The following MGAT4A variants were observed in gnomAD, a reference collection of about 807,000 sequenced individuals.
MGAT4A encodes alpha-1,3-mannosyl-glycoprotein 4-beta-N-acetylglucosaminyltransferase A, also known as N-acetylglucosaminyltransferase IVa.
Under a neutral mutation model 74.1 loss-of-function variants are expected in MGAT4A, and 33 were observed. That is an observed-to-expected ratio of 0.45 (90% CI 0.34 to 0.60). The LOEUF is 0.60. Ranked by LOEUF, MGAT4A falls within the 20% of genes least tolerant of loss-of-function variation. MGAT4A has a pLI of 0.02. For synonymous variants in MGAT4A, 198 were observed against 210.4 expected, an observed-to-expected ratio of 0.94 and a Z score of 0.51; for missense variants, 479 against 628.3, an observed-to-expected ratio of 0.76 and a Z score of 2.54.
chr2:98,670,814 T>A (rs1186371734), intron 4 of MGAT4A, among the ~76,000 whole-genome samples: 1 of 152,060 alleles, frequency 6.6e-6, no homozygotes, highest in Non-Finnish European at 1.5e-5. Context: ...CCCTAGGAGA[T>A]CTCATCCATT....
intron 3 of MGAT4A, 71 bp downstream of exon 3, chr2:98,678,233 G>GGAAAAAA (rs1702004978): frequency 5.7e-6 from 1 of 176,020 alleles, no homozygotes; most frequent in Admixed American, 1.1e-4. Flanking sequence ...CTGTCTCAAA[G>GGAAAAAA]AAAAAAAAAA....
chr2:98,693,868 A>G (rs1702228237), intron 2 of MGAT4A, among the ~76,000 whole-genome samples: 2 of 152,240 alleles, frequency 1.3e-5, no homozygotes, highest in Admixed American at 1.3e-4. Context: ...CTACAGATGC[A>G]TCAAAATGGA....
Position 98,693,782 on chromosome 2 carries a change from G to A in MGAT4A, c.95-15311C>T, listed in dbSNP as rs556339684. Reference sequence around the variant, plus strand: ...TAAAACGTCAACCCCTGTAGACCACGGTAAGTTATATATGTACACTGAAAT... The same window carrying A: ...TAAAACGTCAACCCCTGTAGACCACAGTAAGTTATATATGTACACTGAAAT... On this transcript the variant is annotated intron_variant, in intron 2 of 15. Transcript: ENST00000393487. Among the ~76,000 whole-genome samples the A allele has an allele frequency of 5.9e-5, 9 of 151,788 alleles. 1 individual carries two copies. In the South Asian group the frequency reaches 1.0e-3, roughly 18 times the overall value.
At chr2:98,724,858 C>A (rs1044166922) in intron 2 of MGAT4A, among the ~76,000 whole-genome samples, 3 of 151,842 alleles carry the variant, frequency 2.0e-5, no homozygotes, top group African/African-American at 7.3e-5. Context: ...CTTTTAATAG[C>A]CAGTCATTTG....
In MGAT4A at chr2:98,660,272, T is replaced by C. The variant is rs181080915; in HGVS notation, c.538-2008A>G. ...ATCTTTGCTCATGGATTGGAAGAAT[T>C]AATATCATTTAAATGTCCATATTAC... On this transcript the variant is annotated intron_variant, in intron 5 of 15. Transcript: ENST00000393487. Among the ~76,000 whole-genome samples, 52 of 152,202 alleles carry C rather than the reference T, an allele frequency of 3.4e-4. No homozygotes were observed. The East Asian group carries it at 9.7e-3, about 28-fold the overall frequency.
chr2:98,722,123 T>C (rs1213881759), intron 2 of MGAT4A, among the ~76,000 whole-genome samples: 2 of 152,176 alleles, frequency 1.3e-5, no homozygotes, highest in African/African-American at 2.4e-5. Context: ...AGAGTTATGA[T>C]AGGACCCAGC....
intron 2 of MGAT4A, among the ~76,000 whole-genome samples, chr2:98,685,151 T>C (rs1702111291): frequency 6.6e-6 from 1 of 150,830 alleles, no homozygotes; most frequent in Non-Finnish European, 1.5e-5. Context: ...AGTGGGAGGA[T>C]CCCTTGAGCC....
intron 4 of MGAT4A, among the ~76,000 whole-genome samples, chr2:98,667,723 G>T (rs2104277912): frequency 6.6e-6 from 1 of 151,870 alleles, no homozygotes; most frequent in South Asian, 2.1e-4. Flanking sequence ...TGTTGTTGTT[G>T]TTGTTGTTGT....
intron 2 of MGAT4A, among the ~76,000 whole-genome samples, chr2:98,721,063 A>C (rs554991252): frequency 6.6e-6 from 1 of 152,234 alleles, no homozygotes; most frequent in South Asian, 2.1e-4. Flanking sequence ...CATTACTTAC[A>C]AGGGAACTTC....
rs890002832 is a variant in MGAT4A, at chr2:98,622,951, G to A, written c.*2615C>T. On this transcript the variant is annotated 3_prime_UTR_variant, in exon 16 of 16. Transcript: ENST00000393487. ...GGAGGATTGCTTGAGGCCAGAGATC[G>A]AGGCTGCAGTGAGCTATGAGAGCAC... The A allele has an allele frequency of 3.5e-5, 34 of 982,122 alleles. No homozygotes were observed. Among genetic ancestry groups the A allele is most frequent in the East Asian group, 3.4e-4 (3 of 8,852 alleles). 60.8% of individuals were successfully genotyped at this position (982,122 alleles called of 1,614,324 possible). A position where few individuals can be genotyped will look rare whatever the true frequency, so the allele number is the denominator to read the frequency against.
intron 2 of MGAT4A, among the ~76,000 whole-genome samples, chr2:98,715,760 C>T (rs926613571): frequency 1.3e-5 from 2 of 152,168 alleles, no homozygotes; most frequent in African/African-American, 4.8e-5. Flanking sequence ...TGCAACAGAT[C>T]TGCACTTGTA....
intron 14 of MGAT4A, among the ~76,000 whole-genome samples, chr2:98,631,255 C>T (rs1701228021): frequency 1.3e-5 from 2 of 152,360 alleles, no homozygotes; most frequent in Admixed American, 6.5e-5. Context: ...TGCCTTCACG[C>T]GTAAGTTGCT....
At position 98,644,084 on chromosome 2, in the gene MGAT4A, A is replaced by G. The variant is rs968134943; in HGVS notation, c.890-31T>C. On this transcript the variant is annotated intron_variant, in intron 9 of 15. Coordinates refer to ENST00000393487, the MANE Select transcript of MGAT4A (RefSeq NM_012214.3). ...AAGATATTCCCAGTCAATAGCTGCA[A>G]TGAAGAAACCAAGCACCAAAATGGC... 7 of 1,529,032 alleles carry G rather than the reference A, an allele frequency of 4.6e-6. No homozygotes were observed. The African/African-American group carries it at 5.5e-5, about 12-fold the overall frequency. 94.7% of individuals were successfully genotyped at this position (1,529,032 alleles called of 1,614,324 possible).
intron 4 of MGAT4A, among the ~76,000 whole-genome samples, chr2:98,669,415 T>C (rs367653901): frequency 6.6e-6 from 1 of 152,186 alleles, no homozygotes; most frequent in African/African-American, 2.4e-5. Context: ...TCCGCCATGA[T>C]TGTGAGGCCG....
intron 8 of MGAT4A, among the ~76,000 whole-genome samples, chr2:98,654,326 T>C (rs115261631): frequency 0.014 from 2,161 of 151,554 alleles, 23 homozygotes; most frequent in Middle Eastern, 0.027. Context: ...ATTAAACAAG[T>C]AAAAAAAGTA....
chr2:98,691,417 G>A (rs1462187230), intron 2 of MGAT4A, among the ~76,000 whole-genome samples: 1 of 151,660 alleles, frequency 6.6e-6, no homozygotes, highest in African/African-American at 2.4e-5. Context: ...TCCAGCCTGG[G>A]CATCAGAGCA....
chr2:98,637,997 G>A (rs1425656741), intron 12 of MGAT4A, among the ~76,000 whole-genome samples: 1 of 152,188 alleles, frequency 6.6e-6, no homozygotes, highest in Admixed American at 6.5e-5. Flanking sequence ...ACCACAGTCT[G>A]CAAGATGCTC....
intron 3 of MGAT4A, among the ~76,000 whole-genome samples, chr2:98,677,547 A>G (rs62158000): frequency 0.24 from 35,989 of 151,946 alleles, 5,047 homozygotes; most frequent in Non-Finnish European, 0.32. Flanking sequence ...CCGCCTCAAG[A>G]GTTCAAGCGA....
At chr2:98,681,967 A>G (rs753922025) in intron 2 of MGAT4A, among the ~76,000 whole-genome samples, 56 of 152,248 alleles carry the variant, frequency 3.7e-4, no homozygotes, top group Non-Finnish European at 8.8e-5. Flanking sequence ...TTAAGAACCA[A>G]AATAAATATC....
Sources: gnomAD v4.1 joint callset for allele counts (sites outside exome capture counted in the v4.1 genomes callset) on GRCh38, gnomAD v4.1.1 for gene constraint, MANE v1.5 for transcripts, NCBI Gene and HGNC (gene_info 2026-07-23, HGNC 2026-07-21) for gene names.